SULF1: variants seen among roughly 807,000 people sequenced by gnomAD.
The protein encoded by SULF1 is extracellular sulfatase Sulf-1.
SULF1 carries 46 observed loss-of-function variants against 110.5 expected under a neutral mutation model. The observed-to-expected ratio is 0.42, with a 90% CI of 0.33 to 0.53. The LOEUF is 0.53. Ranked by LOEUF, SULF1 falls within the 20% of genes least tolerant of loss-of-function variation. The pLI, the probability that SULF1 is intolerant of heterozygous loss-of-function variation, is 0.12. For missense variants in SULF1, 941 were observed against 1,094.2 expected, an observed-to-expected ratio of 0.86 and a Z score of 1.98; for synonymous variants, 371 against 387.1, an observed-to-expected ratio of 0.96 and a Z score of 0.49.
rs570080638 is a variant in SULF1 at position 69,527,341 on chromosome 8, A to T, written c.-134+25373A>T. On this transcript the variant is annotated intron_variant, in intron 3 of 22. Coordinates refer to ENST00000402687, the MANE Select transcript of SULF1 (RefSeq NM_001128205.2). Reference sequence around the variant, plus strand: ...CAGATTCCTCCCTACAAAGTCTTGTAGTAGAAACCAAAATAATACAAAAAC... The same window carrying T: ...CAGATTCCTCCCTACAAAGTCTTGTTGTAGAAACCAAAATAATACAAAAAC... Among the ~76,000 whole-genome samples, 16 of 152,250 alleles carry T rather than the reference A, an allele frequency of 1.1e-4. No individual in the cohort carries two copies. In the East Asian group the frequency reaches 2.5e-3, roughly 24 times the overall value.
chr8:69,583,040 T>C (rs1806188324), intron 6 of SULF1, among the ~76,000 whole-genome samples: 1 of 152,236 alleles, frequency 6.6e-6, no homozygotes, highest in African/African-American at 2.4e-5. Flanking sequence ...ACGTGCTCAG[T>C]GCCCCTGGCA....
intron 17 of SULF1, 122 bp from the exon 18 acceptor site, chr8:69,628,049 C>A: frequency 1.0e-6 from 1 of 953,798 alleles, no homozygotes; most frequent in Non-Finnish European, 1.6e-6. Flanking sequence ...AAGTCACATT[C>A]AGCTAAAATA....
intron 2 of SULF1, among the ~76,000 whole-genome samples, chr8:69,498,830 C>T (rs1055776197): frequency 4.2e-4 from 64 of 152,280 alleles, no homozygotes; most frequent in African/African-American, 1.3e-3. Flanking sequence ...TCTCCACCCA[C>T]GCAATGGACC....
chr8:69,473,737 T>C (rs1036735842), intron 1 of SULF1, among the ~76,000 whole-genome samples: 1 of 152,238 alleles, frequency 6.6e-6, no homozygotes, highest in African/African-American at 2.4e-5. Flanking sequence ...TTCCTCTTGC[T>C]CTTCTTTGTT....
intron 3 of SULF1, among the ~76,000 whole-genome samples, chr8:69,509,765 C>A (rs931812512): frequency 6.6e-6 from 1 of 152,184 alleles, no homozygotes; most frequent in South Asian, 2.1e-4. Flanking sequence ...CCTTTTCTAC[C>A]CCCAAGCACT....
chr8:69,574,477 A>T (rs1429303850), intron 5 of SULF1, among the ~76,000 whole-genome samples: 2 of 152,136 alleles, frequency 1.3e-5, no homozygotes, highest in Admixed American at 6.5e-5. Context: ...TTATTAAGCC[A>T]TCAATCCAAG....
intron 3 of SULF1, among the ~76,000 whole-genome samples, chr8:69,505,970 T>C (rs1409050662): frequency 2.6e-5 from 4 of 152,030 alleles, no homozygotes; most frequent in Non-Finnish European, 4.4e-5. Flanking sequence ...AGTAGAATCA[T>C]AGAAAATTGC....
chr8:69,547,326 T>C (rs1303129835), intron 3 of SULF1, among the ~76,000 whole-genome samples: 1 of 152,200 alleles, frequency 6.6e-6, no homozygotes, highest in Non-Finnish European at 1.5e-5. Context: ...ATTTTATCCA[T>C]GAAAGAGCAA....
chr8:69,492,837 C>G (rs1810018059), upstream of SULF1: 1 of 152,352 alleles, frequency 6.6e-6, no homozygotes, highest in South Asian at 2.1e-4. Flanking sequence ...CTTCATCTTG[C>G]GAGCACTTCG....
rs142754875 is a variant in SULF1, at chr8:69,637,349, G to A, written c.2285-1153G>A. Among the ~76,000 whole-genome samples, 228 of 152,238 alleles carry A rather than the reference G, an allele frequency of 1.5e-3. 1 individual carries two copies. The East Asian group carries it at 0.03, about 20-fold the overall frequency. On this transcript the variant is annotated intron_variant, in intron 19 of 22. Transcript: ENST00000402687. ...TGAACCACCACTCCACTGTATGTTC[G>A]TTAGCAGTTCCTGGGCCAAATGCTT...
intron 13 of SULF1, among the ~76,000 whole-genome samples, chr8:69,616,145 T>C (rs933650481): frequency 1.4e-5 from 2 of 141,844 alleles, no homozygotes; most frequent in Non-Finnish European, 3.1e-5. Context: ...TATACACACA[T>C]ATATGTGTGT....
chr8:69,474,011 A>G (rs921539213), intron 1 of SULF1, among the ~76,000 whole-genome samples: 5 of 152,226 alleles, frequency 3.3e-5, no homozygotes, highest in African/African-American at 1.2e-4. Flanking sequence ...AGGCTCAAAG[A>G]TTATTCAGTC....
In SULF1 at chr8:69,506,388, C is replaced by T. The variant is rs191724664; in HGVS notation, c.-134+4420C>T. On this transcript the variant is annotated intron_variant, in intron 3 of 22. Transcript: ENST00000402687. ...CACTTTCACATGTGAGACTTCAATG[C>T]AAATCTAAGTGATAAGCAAATGTTA... Among the ~76,000 whole-genome samples the T allele has an allele frequency of 3.3e-5, 5 of 152,328 alleles. No individual in the cohort carries two copies. In the East Asian group the frequency reaches 5.8e-4, roughly 18 times the overall value.
intron 8 of SULF1, 93 bp downstream of exon 8, chr8:69,589,234 C>T: frequency 8.0e-7 from 1 of 1,243,834 alleles, no homozygotes; most frequent in Non-Finnish European, 1.1e-6. Flanking sequence ...TCCTTCCACC[C>T]TGCGTATCCA....
intron 2 of SULF1, among the ~76,000 whole-genome samples, chr8:69,496,700 T>C (rs1227806342): frequency 6.6e-6 from 1 of 152,260 alleles, no homozygotes; most frequent in African/African-American, 2.4e-5. Flanking sequence ...TCAAGCCATT[T>C]AAACTTGGCT....
At chr8:69,609,530 G>T (rs531658635) in intron 13 of SULF1, among the ~76,000 whole-genome samples, 6 of 152,146 alleles carry the variant, frequency 3.9e-5, no homozygotes, top group Non-Finnish European at 8.8e-5. Flanking sequence ...AAGTTTGAAG[G>T]AATCTTAGAA....
At chr8:69,574,443 T>C (rs551395504) in intron 5 of SULF1, among the ~76,000 whole-genome samples, 1 of 152,288 alleles carries the variant, frequency 6.6e-6, no homozygotes, top group South Asian at 2.1e-4. Flanking sequence ...TTTCCATCTG[T>C]CCTCATCTCT....
At chr8:69,537,709 G>C (rs1471224803) in intron 3 of SULF1, among the ~76,000 whole-genome samples, 2 of 152,170 alleles carry the variant, frequency 1.3e-5, no homozygotes, top group African/African-American at 4.8e-5. Flanking sequence ...GGGACACTGA[G>C]GCTAATATCT....
At chr8:69,489,734 G>A (rs1041299291), upstream of SULF1, among the ~76,000 whole-genome samples, 85 of 151,246 alleles carry the variant, frequency 5.6e-4, no homozygotes, top group African/African-American at 2.0e-3. Flanking sequence ...CTGCCACCAT[G>A]CCCAGCTAAT....
Sources: gnomAD v4.1 joint callset for allele counts (sites outside exome capture counted in the v4.1 genomes callset) on GRCh38, gnomAD v4.1.1 for gene constraint, MANE v1.5 for transcripts, NCBI Gene and HGNC (gene_info 2026-07-23, HGNC 2026-07-21) for gene names.